Variants in TNFSF4 observed in about 807,000 individuals in gnomAD.
The protein encoded by TNFSF4 is tumor necrosis factor ligand superfamily member 4.
A neutral mutation model predicts 7.3 loss-of-function variants in TNFSF4; 4 were observed. That is an observed-to-expected ratio of 0.55 (90% CI 0.27 to 1.25). The LOEUF is 1.25. Among genes scored for constraint, TNFSF4 ranks in the 50% most tolerant of loss-of-function variants. TNFSF4 has a pLI of 0.12. For synonymous variants in TNFSF4, 76 were observed against 83.7 expected (o/e 0.91, Z 0.50); for missense variants, 181 against 208.8 (o/e 0.87, Z 0.82).
chr1:173,417,219 A>G, the TNFSF4 span, among the ~76,000 whole-genome samples: 1 of 152,238 alleles, frequency 6.6e-6, no homozygotes, highest in Admixed American at 6.5e-5. Context: ...GCCGAGCCCC[A>G]CTGATTATCA....
chr1:173,413,319 T>C, the TNFSF4 span, among the ~76,000 whole-genome samples: 1 of 152,186 alleles, frequency 6.6e-6, no homozygotes, highest in Non-Finnish European at 1.5e-5. Flanking sequence ...GCACTTCCTA[T>C]GTGGGGGTTC....
the TNFSF4 span, among the ~76,000 whole-genome samples, chr1:173,314,643 G>C: frequency 6.6e-6 from 1 of 152,080 alleles, no homozygotes; most frequent in Non-Finnish European, 1.5e-5. Context: ...TGTGGCACAG[G>C]ACCTGGAAGG....
the TNFSF4 span, among the ~76,000 whole-genome samples, chr1:173,323,052 A>C: frequency 3.9e-5 from 6 of 152,178 alleles, no homozygotes; most frequent in Non-Finnish European, 8.8e-5. Flanking sequence ...TTCTCCCAGC[A>C]TGCAGCTTGA....
the TNFSF4 span, among the ~76,000 whole-genome samples, chr1:173,219,426 A>C: frequency 6.6e-6 from 1 of 152,172 alleles, no homozygotes; most frequent in Non-Finnish European, 1.5e-5. Context: ...GAATGTAGTG[A>C]AAAGGGGACA....
the TNFSF4 span, among the ~76,000 whole-genome samples, chr1:173,261,059 C>T: frequency 9.8e-5 from 15 of 152,320 alleles, no homozygotes; most frequent in Middle Eastern, 6.8e-3. Context: ...CCACATGGCA[C>T]TTACTCTAAA....
chr1:173,285,132 T>C, the TNFSF4 span, among the ~76,000 whole-genome samples: 1 of 152,166 alleles, frequency 6.6e-6, no homozygotes, highest in Non-Finnish European at 1.5e-5. Context: ...AACAGGAGTT[T>C]GGAAGAACTT....
the TNFSF4 span, among the ~76,000 whole-genome samples, chr1:173,401,938 C>T: frequency 6.6e-6 from 1 of 152,130 alleles, no homozygotes; most frequent in African/African-American, 2.4e-5. Context: ...CTTATTTTTG[C>T]CTTGTTATGT....
downstream of TNFSF4, among the ~76,000 whole-genome samples, chr1:173,183,091 C>T (rs184770352): frequency 5.6e-4 from 85 of 152,282 alleles, no homozygotes; most frequent in African/African-American, 2.0e-3. Flanking sequence ...CAGACATAGG[C>T]TAGACTGCGG....
chr1:173,413,269 G>A, the TNFSF4 span, among the ~76,000 whole-genome samples: 8 of 152,268 alleles, frequency 5.3e-5, no homozygotes, highest in East Asian at 7.7e-4. Flanking sequence ...ACCAGCCGTC[G>A]GCTTTCCAAT....
At chr1:173,183,193 G>C (rs956412998), downstream of TNFSF4, among the ~76,000 whole-genome samples, 1 of 151,344 alleles carries the variant, frequency 6.6e-6, no homozygotes, top group African/African-American at 2.5e-5. Context: ...AGGGGTGGCA[G>C]AGAAAGAGGA....
chr1:173,336,973 A>G, the TNFSF4 span, among the ~76,000 whole-genome samples: 1 of 152,092 alleles, frequency 6.6e-6, no homozygotes, highest in Non-Finnish European at 1.5e-5. Flanking sequence ...CCTATTTACC[A>G]AGTGACTTAA....
the TNFSF4 span, among the ~76,000 whole-genome samples, chr1:173,250,393 A>C: frequency 6.6e-6 from 1 of 152,096 alleles, no homozygotes; most frequent in African/African-American, 2.4e-5. Flanking sequence ...ATCATGTCTT[A>C]TATGTACAAA....
upstream of TNFSF4, among the ~76,000 whole-genome samples, chr1:173,210,508 G>T (rs1261462093): frequency 6.6e-6 from 1 of 152,186 alleles, no homozygotes; most frequent in Non-Finnish European, 1.5e-5. Context: ...GATGGTGAAG[G>T]AGAGTGGCTG....
At chr1:173,211,740 C>T (rs1267188433), upstream of TNFSF4, among the ~76,000 whole-genome samples, 2 of 152,150 alleles carry the variant, frequency 1.3e-5, no homozygotes, top group African/African-American at 4.8e-5. Context: ...CTAAACAAAA[C>T]CTTGAAGAAA....
At chr1:173,333,345 A>G in the TNFSF4 span, among the ~76,000 whole-genome samples, 1 of 151,690 alleles carries the variant, frequency 6.6e-6, no homozygotes, top group African/African-American at 2.4e-5. Flanking sequence ...ATAAAAGCTG[A>G]CCCTCTTGCA....
At chr1:173,238,233 C>T in the TNFSF4 span, among the ~76,000 whole-genome samples, 1 of 152,078 alleles carries the variant, frequency 6.6e-6, no homozygotes, top group Admixed American at 6.6e-5. Context: ...CTCCTTACAC[C>T]ATATCGAAAA....
the TNFSF4 span, among the ~76,000 whole-genome samples, chr1:173,294,619 C>G: frequency 6.6e-6 from 1 of 151,828 alleles, no homozygotes; most frequent in Non-Finnish European, 1.5e-5. Flanking sequence ...AAAAACAAAA[C>G]AAACCCCCCA....
chr1:173,429,632 G>C, the TNFSF4 span, among the ~76,000 whole-genome samples: 1 of 152,238 alleles, frequency 6.6e-6, no homozygotes, highest in African/African-American at 2.4e-5. Context: ...AGACCATGTG[G>C]GGTGTGAATG....
chr1:173,300,099 G>GTAGATAGATAGA, the TNFSF4 span, among the ~76,000 whole-genome samples: 214 of 147,858 alleles, frequency 1.4e-3, 3 homozygotes, highest in Middle Eastern at 3.4e-3. Context: ...AAAATAGATG[G>GTAGATAGATAGA]TAGATAGATA....
Sources: allele counts gnomAD v4.1 joint callset (sites outside exome capture counted in the v4.1 genomes callset), GRCh38; gene constraint gnomAD v4.1.1; transcripts MANE v1.5; gene names NCBI Gene and HGNC (gene_info 2026-07-23, HGNC 2026-07-21).